Variants in CPNE4 observed in about 807,000 individuals in gnomAD.
The protein encoded by CPNE4 is copine 4.
Under a neutral mutation model 67.9 loss-of-function variants are expected in CPNE4, and 25 were observed. The observed-to-expected ratio is 0.37, with a 90% CI of 0.27 to 0.51. The LOEUF is 0.51. Ranked by LOEUF, CPNE4 falls within the 20% of genes least tolerant of loss-of-function variation. CPNE4 has a pLI of 0.93. For synonymous variants in CPNE4, 242 were observed against 244.9 expected (o/e 0.99, Z 0.11); for missense variants, 464 against 690.8 (o/e 0.67, Z 3.68).
chr3:131,977,115 A>G, intron 1 of CPNE4, among the ~76,000 whole-genome samples: 1 of 152,168 alleles, frequency 6.6e-6, no homozygotes. Context: ...ATCATTCTTA[A>G]TAAACCCACT....
intron 1 of CPNE4, among the ~76,000 whole-genome samples, chr3:131,948,975 T>C (rs2071640502): frequency 1.3e-5 from 2 of 152,366 alleles, no homozygotes; most frequent in South Asian, 4.1e-4. Flanking sequence ...TTAACTGGGT[T>C]GGAATGCCAG....
At chr3:132,037,696 T>C, upstream of CPNE4, 1 of 1,170,814 alleles carries the variant, frequency 8.5e-7, no homozygotes, top group Non-Finnish European at 1.2e-6. Flanking sequence ...CTGGGTAGAT[T>C]CACTCGCCGG....
At chr3:131,926,284 T>C (rs2070890935) in intron 1 of CPNE4, among the ~76,000 whole-genome samples, 2 of 152,164 alleles carry the variant, frequency 1.3e-5, no homozygotes, top group South Asian at 2.1e-4. Context: ...GTCTTCCTTC[T>C]GAGTTAGCCT....
At chr3:131,723,329 T>A in intron 3 of CPNE4, 117 bp downstream of exon 3, 1 of 924,880 alleles carries the variant, frequency 1.1e-6, no homozygotes, top group East Asian at 2.5e-5. Flanking sequence ...TGCTGCATGT[T>A]AAAGAAAATA....
intron 1 of CPNE4, among the ~76,000 whole-genome samples, chr3:131,924,345 G>A (rs73206080): frequency 0.077 from 11,704 of 152,170 alleles, 572 homozygotes; most frequent in East Asian, 0.16. Context: ...CAATTCAGCC[G>A]TGAACTTAGC....
At chr3:131,983,440 T>TG (rs1464233999) in intron 1 of CPNE4, among the ~76,000 whole-genome samples, 1 of 152,186 alleles carries the variant, frequency 6.6e-6, no homozygotes, top group Non-Finnish European at 1.5e-5. Flanking sequence ...AAAGACTTAC[T>TG]GGATATCCTA....
At chr3:131,696,718 A>C in intron 4 of CPNE4, 102 bp from the exon 5 acceptor site, 3 of 1,042,526 alleles carry the variant, frequency 2.9e-6, no homozygotes, top group Non-Finnish European at 4.4e-6. Flanking sequence ...CTCAACAAAG[A>C]CAAATGTTGG....
intron 4 of CPNE4, among the ~76,000 whole-genome samples, chr3:131,698,189 C>T (rs1470274310): frequency 1.6e-5 from 2 of 128,702 alleles, no homozygotes; most frequent in South Asian, 2.5e-4. Context: ...GAGATGAGAT[C>T]GTGCCACTGT....
rs139305493 is a variant in CPNE4 at position 131,724,299 on chromosome 3, A to G, written c.181-674T>C. 3.1e-3 allele frequency among the ~76,000 whole-genome samples: 465 copies of G among 152,222 alleles called. 2 individuals are homozygous for G. Among genetic ancestry groups the G allele is most frequent in the African/African-American group, 0.011 (448 of 41,560 alleles). On this transcript the variant is annotated intron_variant, in intron 2 of 15. Transcript: ENST00000429747. ...GTATAATGTTCACCCATTCATTTCA[A>G]TTCCCTGGGCCTCAGTTTTCTCATC...
At chr3:131,960,380 G>C (rs1000601848) in intron 1 of CPNE4, among the ~76,000 whole-genome samples, 3 of 152,108 alleles carry the variant, frequency 2.0e-5, no homozygotes, top group Non-Finnish European at 4.4e-5. Flanking sequence ...TTTAGAGATA[G>C]ATGGTAAAAC....
chr3:131,822,812 A>C (rs2107973162), intron 2 of CPNE4, among the ~76,000 whole-genome samples: 1 of 152,220 alleles, frequency 6.6e-6, no homozygotes, highest in African/African-American at 2.4e-5. Context: ...ATAAGTGGCA[A>C]TGTACACTTC....
intron 10 of CPNE4, among the ~76,000 whole-genome samples, chr3:131,572,586 G>C (rs1488734232): frequency 6.6e-6 from 1 of 152,078 alleles, no homozygotes; most frequent in Non-Finnish European, 1.5e-5. Flanking sequence ...CTGGGGCACA[G>C]AAGGGAGAGT....
intron 2 of CPNE4, among the ~76,000 whole-genome samples, chr3:131,883,477 C>T (rs2087758516): frequency 6.6e-6 from 1 of 152,220 alleles, no homozygotes; most frequent in Non-Finnish European, 1.5e-5. Flanking sequence ...ATGCAGTAGC[C>T]TCCTGAGTCA....
intron 1 of CPNE4, among the ~76,000 whole-genome samples, chr3:132,006,512 A>G (rs541441679): frequency 6.6e-6 from 1 of 152,166 alleles, no homozygotes; most frequent in Non-Finnish European, 1.5e-5. Context: ...TTACAGCATA[A>G]CAAGCAAGAT....
chr3:132,003,154 G>A (rs1160705116), intron 1 of CPNE4, among the ~76,000 whole-genome samples: 2 of 152,088 alleles, frequency 1.3e-5, no homozygotes, highest in Non-Finnish European at 2.9e-5. Flanking sequence ...GCAGATATAA[G>A]CTGATATGGC....
intron 1 of CPNE4, among the ~76,000 whole-genome samples, chr3:131,935,864 T>C (rs1385591586): frequency 2.0e-5 from 3 of 152,004 alleles, no homozygotes; most frequent in African/African-American, 7.2e-5. Flanking sequence ...ATAGGCTTTT[T>C]GTAGGGGAGA....
At chr3:131,920,945 AAAG>A (rs757086399) in intron 1 of CPNE4, among the ~76,000 whole-genome samples, 4 of 152,188 alleles carry the variant, frequency 2.6e-5, no homozygotes, top group Non-Finnish European at 2.9e-5. Context: ...GGCTGAAGCT[AAAG>A]AAGATGTCTG....
chr3:132,036,805 C>G (rs1004608166), upstream of CPNE4, among the ~76,000 whole-genome samples: 2 of 152,076 alleles, frequency 1.3e-5, no homozygotes, highest in Admixed American at 1.3e-4. Flanking sequence ...AATATAAATA[C>G]CTTAGGGACC....
rs1425828808 is a variant in CPNE4, at chr3:131,723,518, A to G, written c.288T>C (p.His96=). Reference sequence around the variant, plus strand: ...GCCCATTGTGGTTGCTGCTGATGTCATGGACTTCAAACCGCAGGCGCTGCA... The same window carrying G: ...GCCCATTGTGGTTGCTGCTGATGTCGTGGACTTCAAACCGCAGGCGCTGCA... ...EEVQRLRFEV[H]DISSNHNGLK... The change falls in exon 3 of 16, where the codon CAT becomes CAC. Residue 96 remains histidine, a synonymous_variant. Coordinates refer to ENST00000429747, the MANE Select transcript of CPNE4 (RefSeq NM_130808.3). The G allele has an allele frequency of 1.9e-6, 3 of 1,613,868 alleles. No individual in the cohort carries two copies. The highest frequency in any genetic ancestry group is 2.2e-5 in the South Asian group (2 of 91,076).
Sources: gnomAD v4.1 joint callset for allele counts (sites outside exome capture counted in the v4.1 genomes callset) on GRCh38, gnomAD v4.1.1 for gene constraint, MANE v1.5 for transcripts, NCBI Gene and HGNC (gene_info 2026-07-23, HGNC 2026-07-21) for gene names.